Variants in GTF2IRD1 observed in about 807,000 individuals in gnomAD.
GTF2IRD1 encodes general transcription factor II-I repeat domain-containing protein 1.
In GTF2IRD1, 26 loss-of-function variants were observed where a neutral mutation model predicts 113.2. That is an observed-to-expected ratio of 0.23 (90% confidence interval 0.17 to 0.32). The LOEUF is 0.32. Among genes scored for constraint, GTF2IRD1 ranks in the 10% least tolerant of loss-of-function variants. The pLI, the probability that GTF2IRD1 is intolerant of heterozygous loss-of-function variation, is 1.00. For synonymous variants in GTF2IRD1, 484 were observed against 529.1 expected (o/e 0.91, Z 1.17); for missense variants, 864 against 1,280.8 (o/e 0.67, Z 4.97).
intron 1 of GTF2IRD1, among the ~76,000 whole-genome samples, chr7:74,479,738 A>G (rs1013378035): frequency 6.7e-6 from 1 of 149,678 alleles, no homozygotes; most frequent in Non-Finnish European, 1.5e-5. Context: ...AGTAAAGTAC[A>G]TGAGTACATG....
chr7:74,513,760 C>CTAGCACT (rs1380660654), intron 3 of GTF2IRD1, among the ~76,000 whole-genome samples: 1 of 152,136 alleles, frequency 6.6e-6, no homozygotes, highest in East Asian at 1.9e-4. Flanking sequence ...GTCTGTAGTC[C>CTAGCACT]TAGCACTTCG....
intron 25 of GTF2IRD1, 27 bp downstream of exon 25, chr7:74,595,078 T>A: frequency 6.4e-7 from 1 of 1,551,326 alleles, no homozygotes; most frequent in Non-Finnish European, 8.9e-7. Flanking sequence ...GAAGCCACCC[T>A]TCTGCTCCGT....
At chr7:74,546,523 CCT>C (rs1348140403) in intron 16 of GTF2IRD1, among the ~76,000 whole-genome samples, 9 of 152,170 alleles carry the variant, frequency 5.9e-5, no homozygotes, top group African/African-American at 2.2e-4. Flanking sequence ...CACCCGGCCC[CCT>C]GTGTTCTTGT....
intron 1 of GTF2IRD1, among the ~76,000 whole-genome samples, chr7:74,461,256 G>A (rs1269869435): frequency 6.6e-6 from 1 of 152,126 alleles, no homozygotes; most frequent in Non-Finnish European, 1.5e-5. Flanking sequence ...CTGCATGGTT[G>A]GGGAGGGTAG....
chr7:74,503,687 C>T (rs1484970567), intron 1 of GTF2IRD1, among the ~76,000 whole-genome samples: 3 of 150,576 alleles, frequency 2.0e-5, no homozygotes, highest in African/African-American at 4.9e-5. Flanking sequence ...AGGCGGAGGC[C>T]GCAGTGAGCC....
Position 74,517,769 on chromosome 7 carries a change from G to A in GTF2IRD1, c.422-370G>A, listed in dbSNP as rs587662671. On this transcript the variant is annotated intron_variant, in intron 4 of 26. Transcript: ENST00000424337. Reference sequence around the variant, plus strand: ...GGCTCATGCAAGTCCCCACTTCTCCGTCTCTTCTGCCCTCTTTTCTCCTAC... The same window carrying A: ...GGCTCATGCAAGTCCCCACTTCTCCATCTCTTCTGCCCTCTTTTCTCCTAC... Among the ~76,000 whole-genome samples the A allele has an allele frequency of 3.3e-5, 5 of 152,164 alleles. No individual in the cohort carries two copies. The East Asian group carries it at 5.8e-4, about 18-fold the overall frequency.
intron 16 of GTF2IRD1, 54 bp downstream of exon 16, chr7:74,545,863 C>T: frequency 7.4e-7 from 1 of 1,358,616 alleles, no homozygotes; most frequent in Non-Finnish European, 1.1e-6. Flanking sequence ...CTCCAGCCGC[C>T]CTGTTTGCAG....
At chr7:74,488,382 A>G (rs969180846) in intron 1 of GTF2IRD1, among the ~76,000 whole-genome samples, 1 of 152,206 alleles carries the variant, frequency 6.6e-6, no homozygotes, top group Non-Finnish European at 1.5e-5. Context: ...GAAATTGTAA[A>G]ATAGACCTGT....
At position 74,535,982 on chromosome 7, in the gene GTF2IRD1, C is replaced by A. The variant is rs146914095; in HGVS notation, c.1301-185C>A. ...CTAGGGCTGCTGTTCCTCCTTCTGG[C>A]GTCAGAGTCTCTCCCCAGGACCCGT... On this transcript the variant is annotated intron_variant, in intron 10 of 26. Coordinates refer to ENST00000424337, the MANE Select transcript of GTF2IRD1 (RefSeq NM_005685.4). Among the ~76,000 whole-genome samples the A allele has an allele frequency of 8.3e-4, 126 of 152,296 alleles. 1 individual carries two copies. Among genetic ancestry groups the A allele is most frequent in the Non-Finnish European group, 9.6e-4 (65 of 68,018 alleles).
At chr7:74,524,498 G>A (rs1554346791) in intron 8 of GTF2IRD1, among the ~76,000 whole-genome samples, 1 of 152,162 alleles carries the variant, frequency 6.6e-6, no homozygotes, top group East Asian at 1.9e-4. Flanking sequence ...GCCACGGTGG[G>A]AGGATCACCT....
At chr7:74,554,265 A>G (rs1315568511) in intron 17 of GTF2IRD1, among the ~76,000 whole-genome samples, 1 of 151,926 alleles carries the variant, frequency 6.6e-6, no homozygotes, top group East Asian at 1.9e-4. Flanking sequence ...CCCACCACAA[A>G]CCCCAGCCCC....
intron 22 of GTF2IRD1, among the ~76,000 whole-genome samples, chr7:74,577,044 T>C (rs1801117937): frequency 6.6e-6 from 1 of 151,590 alleles, no homozygotes; most frequent in African/African-American, 2.4e-5. Context: ...TTTTTATTTG[T>C]TTGTTTGTTT....
intron 6 of GTF2IRD1, among the ~76,000 whole-genome samples, chr7:74,520,942 G>A (rs1362491205): frequency 6.6e-6 from 1 of 151,064 alleles, no homozygotes; most frequent in Non-Finnish European, 1.5e-5. Context: ...ACTTATACAT[G>A]TAAAACAAGT....
intron 14 of GTF2IRD1, among the ~76,000 whole-genome samples, chr7:74,541,623 C>T (rs137894300): frequency 2.0e-4 from 31 of 152,014 alleles, no homozygotes; most frequent in African/African-American, 7.5e-4. Context: ...ATAAATAGGT[C>T]AGGTGCATTG....
chr7:74,553,028 GT>G (rs1345812962), intron 17 of GTF2IRD1, among the ~76,000 whole-genome samples: 6 of 152,088 alleles, frequency 3.9e-5, no homozygotes, highest in African/African-American at 1.4e-4. Flanking sequence ...AGTAGAGACG[GT>G]GTTTCACCAT....
intron 22 of GTF2IRD1, among the ~76,000 whole-genome samples, chr7:74,567,173 C>T (rs1353492705): frequency 2.6e-5 from 4 of 151,848 alleles, no homozygotes; most frequent in African/African-American, 9.7e-5. Flanking sequence ...ACTAAAAATA[C>T]AAAAATTCGC....
chr7:74,541,646 A>C (rs1216328367), intron 14 of GTF2IRD1, among the ~76,000 whole-genome samples: 1 of 152,084 alleles, frequency 6.6e-6, no homozygotes, highest in Non-Finnish European at 1.5e-5. Context: ...TTACAACTGT[A>C]ATTCACCATT....
chr7:74,575,066 G>A lies in GTF2IRD1; in HGVS notation c.2321-14785G>A, dbSNP rs1237372891. On this transcript the variant is annotated intron_variant, in intron 22 of 26. Coordinates refer to ENST00000424337, the MANE Select transcript of GTF2IRD1 (RefSeq NM_005685.4). The stretch of plus-strand genomic sequence containing the variant: ...GATTGCGCCATTGCGCTCCAGCTTG[G>A]GCAACAAGAGCGAAACTCCGTCTCA... 2.0e-5 allele frequency among the ~76,000 whole-genome samples: 3 copies of A among 151,180 alleles called. No homozygotes were observed. The South Asian group carries it at 6.3e-4, about 32-fold the overall frequency.
At chr7:74,580,303 A>G (rs1287437237) in intron 22 of GTF2IRD1, among the ~76,000 whole-genome samples, 1 of 152,004 alleles carries the variant, frequency 6.6e-6, no homozygotes, top group African/African-American at 2.4e-5. Context: ...CCATTATCCC[A>G]CGCTTCTGCT....
Sources: allele counts gnomAD v4.1 joint callset (sites outside exome capture counted in the v4.1 genomes callset), GRCh38; gene constraint gnomAD v4.1.1; transcripts MANE v1.5; gene names NCBI Gene and HGNC (gene_info 2026-07-23, HGNC 2026-07-21).